The following ZNF718 variants were observed in gnomAD, a reference collection of about 807,000 sequenced individuals.
ZNF718 encodes the protein zinc finger protein 718.
In ZNF718, 3 loss-of-function variants were observed where a neutral mutation model predicts 2.6. That is an observed-to-expected ratio of 1.16 (90% CI 0.53 to 3.01). The LOEUF is 3.01. Among genes scored for constraint, ZNF718 ranks in the 30% most tolerant of loss-of-function variants. The pLI is 0.03. For synonymous variants in ZNF718, 135 were observed against 77.9 expected (o/e 1.73, Z -3.86); for missense variants, 468 against 230.0 (o/e 2.03, Z -6.69).
downstream of ZNF718, among the ~76,000 whole-genome samples, chr4:167,512 C>A (rs1225330441): frequency 3.3e-5 from 5 of 152,068 alleles, no homozygotes; most frequent in Non-Finnish European, 7.4e-5. Flanking sequence ...TGTTTGTATC[C>A]TGTTTTATTT....
At chr4:168,534 G>C (rs1553817365), downstream of ZNF718, among the ~76,000 whole-genome samples, 1 of 152,148 alleles carries the variant, frequency 6.6e-6, no homozygotes, top group Admixed American at 6.6e-5. Flanking sequence ...TTCAGAGCCT[G>C]TTATTGGTCT....
At chr4:170,891 G>A (rs1426881932) in intron 3 of ZNF718, among the ~76,000 whole-genome samples, 1 of 152,162 alleles carries the variant, frequency 6.6e-6, no homozygotes, top group Non-Finnish European at 1.5e-5. Context: ...TGCTGGTGAG[G>A]AGCTGCGTTC....
chr4:189,046 G>T (rs1717636733), intron 3 of ZNF718, among the ~76,000 whole-genome samples: 3 of 146,914 alleles, frequency 2.0e-5, no homozygotes, highest in South Asian at 2.2e-4. Context: ...AATTTACATT[G>T]AATCTGTAGA....
Position 161,159 on chromosome 4 carries a change from AAACAAAGAT to A in ZNF718, c.477_485del (p.Asn159_Asp161del), listed in dbSNP as rs1716817269. On this transcript the variant is annotated inframe_deletion, in exon 4 of 4. Transcript: ENST00000510175. ...AAGTTTTTCATAAATTTTCAAATTC[AAACAAAGAT>A]AAGATAAGATATACTGGAGATAAAA... 2.6e-6 allele frequency: 2 copies of A among 760,568 alleles called. No individual in the cohort carries two copies. Among genetic ancestry groups the A allele is most frequent in the African/African-American group, 3.4e-5 (2 of 58,098 alleles). The allele number at this position is 760,568 out of a possible 1,614,324, so 47.1% of individuals were successfully genotyped here. A position where few individuals can be genotyped will look rare whatever the true frequency, so the allele number is the denominator to read the frequency against.
At position 163,407 on chromosome 4, in the gene ZNF718, C is replaced by T. The variant is rs1188597185; in HGVS notation, c.*1285C>T. 6.6e-6 allele frequency: 1 copy of T among 152,138 alleles called. No individual in the cohort carries two copies. Among genetic ancestry groups the T allele is most frequent in the African/African-American group, 2.4e-5 (1 of 41,424 alleles). The allele number at this position is 152,138 out of a possible 1,614,324, so 9.4% of individuals were successfully genotyped here. A position where few individuals can be genotyped will look rare whatever the true frequency, so the allele number is the denominator to read the frequency against. On this transcript the variant is annotated 3_prime_UTR_variant, in exon 4 of 4. Transcript: ENST00000510175. ...GTTTCACCGTTTTAGCCGGGATGGT[C>T]TCGATCTCCTGACCTCGTGATCCGC...
At chr4:172,537 A>G (rs1717259949) in intron 3 of ZNF718, among the ~76,000 whole-genome samples, 1 of 152,224 alleles carries the variant, frequency 6.6e-6, no homozygotes, top group Non-Finnish European at 1.5e-5. Flanking sequence ...ATAGGTACTT[A>G]TTTTACGGAG....
chr4:187,079 G>T (rs1220773273), intron 3 of ZNF718, among the ~76,000 whole-genome samples: 1 of 152,056 alleles, frequency 6.6e-6, no homozygotes, highest in Admixed American at 6.5e-5. Context: ...TTTGGATGGG[G>T]TTATTGTGGG....
chr4:188,227 C>A (rs192514182), intron 3 of ZNF718, among the ~76,000 whole-genome samples: 2 of 152,214 alleles, frequency 1.3e-5, no homozygotes, highest in African/African-American at 4.8e-5. Context: ...GCTGGGAAGA[C>A]TCATCCAGCG....
intron 3 of ZNF718, among the ~76,000 whole-genome samples, chr4:193,412 G>A (rs1717731324): frequency 6.6e-6 from 1 of 152,094 alleles, no homozygotes; most frequent in African/African-American, 2.4e-5. Context: ...GGGCATGGAG[G>A]ACTAGGTAAG....
intron 3 of ZNF718, among the ~76,000 whole-genome samples, 179 bp downstream of exon 3, chr4:131,684 C>A: frequency 9.7e-6 from 1 of 103,484 alleles, no homozygotes. Flanking sequence ...ACCAGCCTAG[C>A]CAACATAGTG....
intron 3 of ZNF718, among the ~76,000 whole-genome samples, chr4:147,627 G>A (rs1028266842): frequency 6.6e-6 from 1 of 151,968 alleles, no homozygotes; most frequent in African/African-American, 2.4e-5. Flanking sequence ...ACTTTGGGAG[G>A]CCAAGGCAGG....
At position 161,363 on chromosome 4, in the gene ZNF718, C is replaced by T. The variant is rs1553815065; in HGVS notation, c.678C>T (p.Phe226=). ...AGAGAATTCATGCCAGAGAGAAATT[C>T]TACAAGTGTGAAGAATGTGGTAAAG... ...KHKRIHAREK[F]YKCEECGKGF... Residue 226 remains phenylalanine, a synonymous_variant, in exon 4 of 4, where the codon TTC becomes TTT. Coordinates refer to ENST00000510175, the MANE Select transcript of ZNF718 (RefSeq NM_001039127.6). 2 of 778,932 alleles carry T rather than the reference C, an allele frequency of 2.6e-6. No homozygotes were observed. The highest frequency in any genetic ancestry group is 1.7e-5 in the Admixed American group (1 of 58,514). 48.3% of individuals were successfully genotyped at this position (778,932 alleles called of 1,614,324 possible). A position where few individuals can be genotyped will look rare whatever the true frequency, so the allele number is the denominator to read the frequency against.
At chr4:172,905 C>T (rs1243218267) in intron 3 of ZNF718, among the ~76,000 whole-genome samples, 1 of 151,914 alleles carries the variant, frequency 6.6e-6, no homozygotes, top group African/African-American at 2.4e-5. Flanking sequence ...ATTAGATGGC[C>T]ATGGTGGGGT....
intron 3 of ZNF718, among the ~76,000 whole-genome samples, chr4:140,015 G>T (rs1353624865): frequency 2.0e-5 from 3 of 151,910 alleles, no homozygotes; most frequent in African/African-American, 7.3e-5. Context: ...AAGGGGGAAT[G>T]ACTTTTTTTT....
chr4:167,630 C>T (rs2108808454), downstream of ZNF718, among the ~76,000 whole-genome samples: 1 of 152,190 alleles, frequency 6.6e-6, no homozygotes, highest in Admixed American at 6.5e-5. Flanking sequence ...TGGGAGTTCA[C>T]TCATGATTTG....
intron 3 of ZNF718, among the ~76,000 whole-genome samples, chr4:135,601 C>T (rs1019215537): frequency 6.6e-6 from 1 of 151,684 alleles, no homozygotes; most frequent in African/African-American, 2.4e-5. Context: ...TAGGCAGTAC[C>T]CAGCTTGACG....
intron 3 of ZNF718, among the ~76,000 whole-genome samples, chr4:195,365 G>T (rs1717770908): frequency 6.6e-6 from 1 of 151,980 alleles, no homozygotes; most frequent in Admixed American, 6.6e-5. Context: ...ACACATTGTG[G>T]TTTTTTTTCT....
chr4:144,510 A>G (rs923990728), intron 3 of ZNF718, among the ~76,000 whole-genome samples: 2 of 152,160 alleles, frequency 1.3e-5, no homozygotes, highest in Non-Finnish European at 2.9e-5. Flanking sequence ...GGGTCTGTCT[A>G]CATTATAAGA....
chr4:189,827 A>G (rs1368594172), intron 3 of ZNF718, among the ~76,000 whole-genome samples: 1 of 152,200 alleles, frequency 6.6e-6, no homozygotes, highest in Non-Finnish European at 1.5e-5. Flanking sequence ...TTTATCATAA[A>G]TAGGTGCTGG....
Sources: gnomAD v4.1 joint callset for allele counts (sites outside exome capture counted in the v4.1 genomes callset) on GRCh38, gnomAD v4.1.1 for gene constraint, MANE v1.5 for transcripts, NCBI Gene and HGNC (gene_info 2026-07-23, HGNC 2026-07-21) for gene names.